The following LRP1B variants were observed in gnomAD, a reference collection of about 807,000 sequenced individuals.
The protein encoded by LRP1B is LDL receptor related protein 1B, also known as low-density lipoprotein receptor-related protein 1B.
LRP1B carries 217 observed loss-of-function variants against 556.6 expected under a neutral mutation model. That is an observed-to-expected ratio of 0.39 (90% CI 0.35 to 0.44). The LOEUF (loss-of-function observed/expected upper bound fraction) is 0.44. LRP1B is among the 20% of genes least tolerant of loss of function. The pLI is 1.00. For synonymous variants in LRP1B, 2,047 were observed against 1,865.8 expected (o/e 1.10, Z -2.50); for missense variants, 5,053 against 5,620.8 (o/e 0.90, Z 3.23).
chr2:141,605,219 T>A (rs1034896385), intron 2 of LRP1B, among the ~76,000 whole-genome samples: 1 of 151,998 alleles, frequency 6.6e-6, no homozygotes, highest in African/African-American at 2.4e-5. Context: ...ACACTTGAGA[T>A]AACAATGGTT....
intron 43 of LRP1B, among the ~76,000 whole-genome samples, chr2:140,555,747 T>C (rs932495529): frequency 3.3e-5 from 5 of 152,140 alleles, no homozygotes; most frequent in Admixed American, 1.3e-4. Context: ...CTTTTTAAAC[T>C]TCTGATTTTA....
chr2:141,225,911 G>T (rs1521103), intron 6 of LRP1B, among the ~76,000 whole-genome samples: 1 of 151,692 alleles, frequency 6.6e-6, no homozygotes, highest in Non-Finnish European at 1.5e-5. Flanking sequence ...TCCAAGATTC[G>T]TATAACTGTC....
chr2:142,118,850 T>A (rs1233979423), intron 1 of LRP1B, among the ~76,000 whole-genome samples: 1 of 152,160 alleles, frequency 6.6e-6, no homozygotes, highest in Non-Finnish European at 1.5e-5. Context: ...CCAAATTTCA[T>A]TTGGTTCAGT....
At chr2:140,252,616 A>C (rs184370909) in intron 86 of LRP1B, among the ~76,000 whole-genome samples, 239 of 152,216 alleles carry the variant, frequency 1.6e-3, no homozygotes, top group Middle Eastern at 3.4e-3. Flanking sequence ...TCTCATGCCC[A>C]GGAGAGTACC....
chr2:141,392,275 C>T (rs1690078314), intron 3 of LRP1B, among the ~76,000 whole-genome samples: 1 of 151,662 alleles, frequency 6.6e-6, no homozygotes, highest in South Asian at 2.1e-4. Context: ...TTATTTGTAC[C>T]TTAAGGAGTG....
At chr2:140,316,835 C>G (rs540053812) in intron 82 of LRP1B, among the ~76,000 whole-genome samples, 1 of 152,250 alleles carries the variant, frequency 6.6e-6, no homozygotes, top group East Asian at 1.9e-4. Flanking sequence ...GAAAATTTGA[C>G]TTCAGCCCTT....
chr2:140,538,181 A>C (rs1384978114), intron 45 of LRP1B, among the ~76,000 whole-genome samples: 2 of 152,112 alleles, frequency 1.3e-5, no homozygotes, highest in East Asian at 3.8e-4. Context: ...GAATTTAATT[A>C]ATTTAGTAGA....
intron 79 of LRP1B, among the ~76,000 whole-genome samples, chr2:140,329,110 T>A (rs1680655463): frequency 6.6e-6 from 1 of 152,078 alleles, no homozygotes; most frequent in Admixed American, 6.6e-5. Flanking sequence ...CTCTCCTTAC[T>A]GGATGCAAAG....
intron 6 of LRP1B, among the ~76,000 whole-genome samples, chr2:141,216,213 C>T (rs1325706506): frequency 5.3e-5 from 8 of 152,130 alleles, no homozygotes; most frequent in African/African-American, 2.4e-5. Context: ...AGATATACCT[C>T]GAACCGCCAC....
chr2:140,233,151 T>A lies in LRP1B; in HGVS notation c.*35A>T, dbSNP rs1304610047. ...ACATACAAAAGTAATCCTTATATTT[T>A]ATACATTTATACAGCATATAAAAGA... On this transcript the variant is annotated 3_prime_UTR_variant, in exon 91 of 91. Coordinates refer to ENST00000389484, the MANE Select transcript of LRP1B (RefSeq NM_018557.3). The A allele has an allele frequency of 1.4e-5, 19 of 1,379,710 alleles. No individual in the cohort carries two copies. Among genetic ancestry groups the A allele is most frequent in the Non-Finnish European group, 1.8e-5 (18 of 1,003,106 alleles). The allele number at this position is 1,379,710 out of a possible 1,614,324, so 85.5% of individuals were successfully genotyped here.
chr2:141,402,973 G>A (rs1228949773), intron 3 of LRP1B, among the ~76,000 whole-genome samples: 1 of 151,976 alleles, frequency 6.6e-6, no homozygotes, highest in African/African-American at 2.4e-5. Flanking sequence ...TTGAGTATGA[G>A]ATGGAGAGGA....
chr2:141,480,404 T>G lies in LRP1B; in HGVS notation c.335A>C (p.His112Pro), dbSNP rs1682874130. Residue 112 changes from histidine to proline, a missense_variant, in exon 3 of 91, where the codon CAT becomes CCT. Physicochemically the swap from His to Pro is moderately conservative, Grantham distance 77 (BLOSUM62 -2). This residue lies in a region of LRP1B where 3,619 missense variants were observed against 3,931.9 expected (regional missense o/e 0.92). Transcript: ENST00000389484. ...DCPDGYDEGV[H>P]CQELLSNCQQ... ...TCCACAAATGGACTCACCCTGACAA[T>G]GTACTCCTTCGTCATACCCATCTGG... 6.2e-7 allele frequency: 1 copy of G among 1,613,914 alleles called. No homozygotes were observed. The highest frequency in any genetic ancestry group is 8.5e-7 in the Non-Finnish European group (1 of 1,179,902).
intron 1 of LRP1B, among the ~76,000 whole-genome samples, chr2:141,875,646 C>T (rs1468876959): frequency 6.6e-6 from 1 of 151,850 alleles, no homozygotes; most frequent in Non-Finnish European, 1.5e-5. Flanking sequence ...TAGTCTTTCT[C>T]CTCTGAGAAT....
chr2:141,074,697 G>A (rs1699742396), intron 7 of LRP1B, among the ~76,000 whole-genome samples: 1 of 150,472 alleles, frequency 6.6e-6, no homozygotes, highest in Admixed American at 6.6e-5. Context: ...CCTCATATGG[G>A]AATCATAAGA....
chr2:140,275,456 C>T (rs939562966), intron 84 of LRP1B, among the ~76,000 whole-genome samples: 19 of 151,942 alleles, frequency 1.3e-4, no homozygotes, highest in East Asian at 7.8e-4. Context: ...GCTGTAATGA[C>T]GGTCTCAAGT....
chr2:141,268,903 C>T (rs1035374682), intron 3 of LRP1B, among the ~76,000 whole-genome samples: 1 of 152,166 alleles, frequency 6.6e-6, no homozygotes, highest in Non-Finnish European at 1.5e-5. Flanking sequence ...TCCAGTTACT[C>T]TCATCCAGAT....
intron 18 of LRP1B, among the ~76,000 whole-genome samples, chr2:140,974,438 C>A (rs188156402): frequency 6.6e-6 from 1 of 152,316 alleles, no homozygotes; most frequent in East Asian, 1.9e-4. Context: ...CTAACACATT[C>A]TGCAACTTTG....
chr2:142,006,848 G>A, intron 1 of LRP1B, among the ~76,000 whole-genome samples: 1 of 152,034 alleles, frequency 6.6e-6, no homozygotes, highest in East Asian at 1.9e-4. Context: ...TTGGAAAGAT[G>A]GGATTTTAGA....
intron 79 of LRP1B, among the ~76,000 whole-genome samples, chr2:140,328,471 TGAAA>T (rs1383161501): frequency 3.4e-5 from 4 of 117,694 alleles, no homozygotes; most frequent in African/African-American, 1.1e-4. Context: ...TGGAAGAAAA[TGAAA>T]GAAAAAAAAA....
Sources: gnomAD v4.1 joint callset for allele counts (sites outside exome capture counted in the v4.1 genomes callset) on GRCh38, gnomAD v4.1.1 for gene constraint, gnomAD v4.1.1 regional missense constraint, MANE v1.5 for transcripts, NCBI Gene and HGNC (gene_info 2026-07-23, HGNC 2026-07-21) for gene names.